SLC5A11: variants seen among roughly 807,000 people sequenced by gnomAD.
SLC5A11 encodes the protein solute carrier family 5 member 11.
A neutral mutation model predicts 69.8 loss-of-function variants in SLC5A11; 48 were observed. The observed-to-expected ratio is 0.69, with a 90% CI of 0.55 to 0.87. The LOEUF is 0.87. Ranked by LOEUF, SLC5A11 falls within the 40% of genes least tolerant of loss-of-function variation. The probability of loss-of-function intolerance (pLI) is 0.00; values close to 1 mark genes in which losing one functional copy is unlikely to be tolerated. For missense variants in SLC5A11, 784 were observed against 866.1 expected, an observed-to-expected ratio of 0.91 and a Z score of 1.19; for synonymous variants, 319 against 342.4, an observed-to-expected ratio of 0.93 and a Z score of 0.75.
intron 1 of SLC5A11, among the ~76,000 whole-genome samples, chr16:24,854,467 TC>T (rs2059443768): frequency 2.0e-5 from 3 of 151,600 alleles, no homozygotes; most frequent in East Asian, 3.9e-4. Flanking sequence ...TCTCACTCTG[TC>T]CCCCAGGCTG....
intron 2 of SLC5A11, among the ~76,000 whole-genome samples, chr16:24,861,754 A>G (rs948866993): frequency 2.8e-5 from 3 of 106,992 alleles, no homozygotes; most frequent in Admixed American, 1.8e-4. Flanking sequence ...AAAGAAAAAG[A>G]AGGAAAGAAA....
chr16:24,888,450 G>A (rs2048530169), intron 8 of SLC5A11, among the ~76,000 whole-genome samples: 1 of 148,094 alleles, frequency 6.8e-6, no homozygotes, highest in African/African-American at 2.5e-5. Flanking sequence ...GACATTATGG[G>A]TTACTCCAGT....
intron 5 of SLC5A11, 93 bp from the exon 7 acceptor site, chr16:24,875,534 C>T (rs562082386): frequency 2.9e-4 from 280 of 949,884 alleles, no homozygotes; most frequent in Admixed American, 8.0e-4. Context: ...CTCTGAGTTG[C>T]GGGGGCAGGA....
chr16:24,862,487 C>T (rs1363762534), intron 2 of SLC5A11, 114 bp from the exon 4 acceptor site: 2 of 636,936 alleles, frequency 3.1e-6, no homozygotes, highest in Non-Finnish European at 5.5e-6. Flanking sequence ...TATTTGATAT[C>T]CGAATCTGGC....
intron 1 of SLC5A11, among the ~76,000 whole-genome samples, chr16:24,858,022 C>T (rs1010219963): frequency 1.3e-5 from 2 of 152,146 alleles, no homozygotes; most frequent in Non-Finnish European, 2.9e-5. Context: ...TGGGCACTTA[C>T]TTAACTTTTC....
chr16:24,892,049 TAAA>T (rs35705061), intron 9 of SLC5A11, among the ~76,000 whole-genome samples: 4,773 of 96,920 alleles, frequency 0.049, 298 homozygotes, highest in African/African-American at 0.17. Context: ...AGACCATCTC[TAAA>T]AAAAAAAAAA....
chr16:24,868,364 G>A (rs1185431184), intron 3 of SLC5A11, among the ~76,000 whole-genome samples: 1 of 151,200 alleles, frequency 6.6e-6, no homozygotes, highest in East Asian at 1.9e-4. Flanking sequence ...GCCAAGGTGG[G>A]CAGATCACGA....
chr16:24,905,640 G>GCGCACGCACA (rs1443035551), intron 10 of SLC5A11, among the ~76,000 whole-genome samples: 5 of 136,698 alleles, frequency 3.7e-5, no homozygotes, highest in African/African-American at 1.4e-4. Flanking sequence ...GCGCGCGCGC[G>GCGCACGCACA]CACACACACA....
chr16:24,869,234 G>A (rs2047120324), intron 3 of SLC5A11, among the ~76,000 whole-genome samples: 1 of 152,000 alleles, frequency 6.6e-6, no homozygotes, highest in South Asian at 2.1e-4. Flanking sequence ...GCAGCACAGG[G>A]TGAAACATGC....
At chr16:24,880,967 G>A (rs1463717012) in intron 7 of SLC5A11, among the ~76,000 whole-genome samples, 1 of 152,058 alleles carries the variant, frequency 6.6e-6, no homozygotes, top group Non-Finnish European at 1.5e-5. Context: ...ACTTTGGGAG[G>A]CCAAGGCAGG....
intron 1 of SLC5A11, among the ~76,000 whole-genome samples, chr16:24,850,639 G>T (rs1465575470): frequency 1.3e-5 from 2 of 152,158 alleles, no homozygotes; most frequent in African/African-American, 2.4e-5. Flanking sequence ...TTAAACCTGG[G>T]TTGGAGCCCT....
At chr16:24,904,697 A>G (rs1296293488) in intron 10 of SLC5A11, among the ~76,000 whole-genome samples, 3 of 151,916 alleles carry the variant, frequency 2.0e-5, no homozygotes, top group East Asian at 1.9e-4. Flanking sequence ...GCCTAAAAGT[A>G]TTTTCTGATC....
exon 11 of SLC5A11, chr16:24,906,760 C>T: frequency 1.2e-6 from 2 of 1,611,004 alleles, no homozygotes; most frequent in Non-Finnish European, 1.7e-6. Flanking sequence ...AACTCCTGCC[C>T]ACAGGTAATG....
chr16:24,907,848 T>C (rs1390513382), intron 12 of SLC5A11, 115 bp from the exon 14 acceptor site: 4 of 1,395,832 alleles, frequency 2.9e-6, no homozygotes, highest in Non-Finnish European at 3.9e-6. Context: ...CTCTCACCAC[T>C]GCACCCCGGC....
rs547658770 is a variant in SLC5A11, at chr16:24,886,404, C to A, written c.664+2273C>A. Among the ~76,000 whole-genome samples, 16 of 151,844 alleles carry A rather than the reference C, an allele frequency of 1.1e-4. No individual in the cohort carries two copies. The East Asian group carries it at 2.9e-3, about 28-fold the overall frequency. Reference sequence around the variant, plus strand: ...AATAAAATTATAAAAGAAAAGATGACAAATATAGAAGATAGAGAGCAGAGA... The same window carrying A: ...AATAAAATTATAAAAGAAAAGATGAAAAATATAGAAGATAGAGAGCAGAGA... On this transcript the variant is annotated intron_variant, in intron 8 of 15. Transcript: ENST00000347898.
chr16:24,849,244 C>T (rs771996981), intron 1 of SLC5A11, among the ~76,000 whole-genome samples: 11 of 152,168 alleles, frequency 7.2e-5, no homozygotes, highest in African/African-American at 1.2e-4. Flanking sequence ...GTCTGTAACT[C>T]GCACGTGTGA....
intron 7 of SLC5A11, among the ~76,000 whole-genome samples, chr16:24,883,653 G>A (rs1312020939): frequency 1.3e-5 from 2 of 152,200 alleles, no homozygotes; most frequent in Non-Finnish European, 1.5e-5. Flanking sequence ...TTGGGCTGTC[G>A]ACTGGGCTTC....
At chr16:24,897,021 T>G (rs1461242196) in intron 9 of SLC5A11, among the ~76,000 whole-genome samples, 1 of 148,290 alleles carries the variant, frequency 6.7e-6, no homozygotes, top group African/African-American at 2.5e-5. Flanking sequence ...GGTGCGATCT[T>G]GGCTCACTGC....
At chr16:24,911,578 T>C (rs2050533360) in exon 16 of SLC5A11, 3 of 1,568,232 alleles carry the variant, frequency 1.9e-6, no homozygotes, top group Non-Finnish European at 2.6e-6. Context: ...TCTTCAGTGC[T>C]CCATTTTTTT....
Sources: gnomAD v4.1 joint callset for allele counts (sites outside exome capture counted in the v4.1 genomes callset) on GRCh38, gnomAD v4.1.1 for gene constraint, MANE v1.5 for transcripts, NCBI Gene and HGNC (gene_info 2026-07-23, HGNC 2026-07-21) for gene names.